Variants in GRIK1 observed in about 807,000 individuals in gnomAD.
GRIK1 encodes the protein glutamate ionotropic receptor kainate type subunit 1.
GRIK1 carries 69 observed loss-of-function variants against 105.7 expected under a neutral mutation model. The observed-to-expected ratio is 0.65, with a 90% CI of 0.54 to 0.80. The LOEUF is 0.80. GRIK1 is among the 30% of genes least tolerant of loss of function. GRIK1 has a pLI of 0.00. For missense variants in GRIK1, 1,109 were observed against 1,167.3 expected (o/e 0.95, Z 0.73); for synonymous variants, 438 against 431.3 (o/e 1.02, Z -0.19).
At chr21:29,572,313 C>T (rs903848193) in intron 14 of GRIK1, among the ~76,000 whole-genome samples, 1 of 152,148 alleles carries the variant, frequency 6.6e-6, no homozygotes, top group African/African-American at 2.4e-5. Context: ...CATTTCTTCT[C>T]GGTAAACTGG....
intron 1 of GRIK1, among the ~76,000 whole-genome samples, chr21:29,877,909 G>C (rs2069249410): frequency 6.6e-6 from 1 of 152,084 alleles, no homozygotes. Flanking sequence ...TGGCAAAATA[G>C]CTTGAATACA....
chr21:29,861,579 T>C (rs368392771), intron 1 of GRIK1: 1 of 186,532 alleles, frequency 5.4e-6, no homozygotes, highest in South Asian at 5.1e-5. Context: ...AAGTGTGGGA[T>C]TATAGGTGTG....
chr21:29,808,425 C>T (rs1454504453), intron 1 of GRIK1, among the ~76,000 whole-genome samples: 1 of 152,200 alleles, frequency 6.6e-6, no homozygotes, highest in Non-Finnish European at 1.5e-5. Flanking sequence ...CAACTGGCAT[C>T]ATCAAGACTG....
At chr21:29,608,405 G>C (rs553573464) in intron 7 of GRIK1, among the ~76,000 whole-genome samples, 1 of 152,088 alleles carries the variant, frequency 6.6e-6, no homozygotes, top group Non-Finnish European at 1.5e-5. Context: ...ATATATGCAC[G>C]TAATGAGTCT....
intron 7 of GRIK1, among the ~76,000 whole-genome samples, chr21:29,637,719 C>G (rs1236176935): frequency 6.6e-6 from 1 of 152,180 alleles, no homozygotes; most frequent in East Asian, 1.9e-4. Context: ...AGAACTATGA[C>G]TAGTAAGTTT....
chr21:29,770,235 A>T (rs993324745), intron 1 of GRIK1, among the ~76,000 whole-genome samples: 1 of 152,190 alleles, frequency 6.6e-6, no homozygotes, highest in Non-Finnish European at 1.5e-5. Context: ...TTGGAAACAG[A>T]TTGTGTCACC....
intron 1 of GRIK1, among the ~76,000 whole-genome samples, chr21:29,788,501 A>G (rs998254356): frequency 6.6e-6 from 1 of 152,156 alleles, no homozygotes; most frequent in African/African-American, 2.4e-5. Context: ...TGTCTTATAG[A>G]CCAATGGTCC....
At chr21:29,863,058 G>A (rs1012687945) in intron 1 of GRIK1, among the ~76,000 whole-genome samples, 2 of 152,134 alleles carry the variant, frequency 1.3e-5, no homozygotes, top group African/African-American at 2.4e-5. Flanking sequence ...ATCTATGTGT[G>A]TATATGTGTC....
intron 1 of GRIK1, among the ~76,000 whole-genome samples, chr21:29,856,139 G>A (rs1442540643): frequency 1.3e-5 from 2 of 152,144 alleles, no homozygotes; most frequent in Non-Finnish European, 2.9e-5. Context: ...CAGCCCAGTG[G>A]TGGGTGTTTA....
At chr21:29,550,649 C>G (rs534798014) in intron 16 of GRIK1, among the ~76,000 whole-genome samples, 27 of 152,252 alleles carry the variant, frequency 1.8e-4, no homozygotes, top group African/African-American at 6.3e-4. Flanking sequence ...ATTTGTAATG[C>G]TTGTACAAGA....
chr21:29,896,593 T>TA (rs2070171452), intron 1 of GRIK1, among the ~76,000 whole-genome samples: 1 of 152,214 alleles, frequency 6.6e-6, no homozygotes, highest in South Asian at 2.1e-4. Flanking sequence ...ATATAACACA[T>TA]ATCTGTCACA....
intron 1 of GRIK1, among the ~76,000 whole-genome samples, chr21:29,864,099 A>ATT (rs896004888): frequency 2.1e-5 from 3 of 144,010 alleles, no homozygotes; most frequent in African/African-American, 5.1e-5. Context: ...TATTTAACAG[A>ATT]TTTTTTTTTT....
At chr21:29,620,428 G>A (rs1568896636) in intron 7 of GRIK1, among the ~76,000 whole-genome samples, 1 of 152,138 alleles carries the variant, frequency 6.6e-6, no homozygotes, top group Non-Finnish European at 1.5e-5. Context: ...AGCCAATCAA[G>A]CAATTTGTTG....
chr21:29,935,311 C>T (rs1165323641), intron 1 of GRIK1, among the ~76,000 whole-genome samples: 2 of 152,120 alleles, frequency 1.3e-5, no homozygotes, highest in African/African-American at 4.8e-5. Context: ...TTGCAATTGC[C>T]AGAATGCAAA....
chr21:29,845,747 C>T (rs112323274), intron 1 of GRIK1, among the ~76,000 whole-genome samples: 2,215 of 152,190 alleles, frequency 0.015, 59 homozygotes, highest in African/African-American at 0.05. Flanking sequence ...TATCTACACC[C>T]ATGTTCCATA....
chr21:29,541,245 C>G (rs1201075729), intron 16 of GRIK1, among the ~76,000 whole-genome samples: 4 of 152,168 alleles, frequency 2.6e-5, no homozygotes, highest in African/African-American at 9.7e-5. Context: ...GGATTACAGG[C>G]GTAAGCCACC....
chr21:29,554,113 C>T (rs2090189184), intron 16 of GRIK1, among the ~76,000 whole-genome samples: 1 of 152,076 alleles, frequency 6.6e-6, no homozygotes. Flanking sequence ...TTAATCAGAA[C>T]CAGCCACATA....
chr21:29,600,203 T>C (rs1183412469), intron 7 of GRIK1, among the ~76,000 whole-genome samples: 1 of 152,206 alleles, frequency 6.6e-6, no homozygotes, highest in Non-Finnish European at 1.5e-5. Context: ...AAATCCTTAA[T>C]CACCTATGCA....
intron 1 of GRIK1, among the ~76,000 whole-genome samples, chr21:29,933,777 T>G (rs1297661072): frequency 6.6e-6 from 1 of 152,136 alleles, no homozygotes; most frequent in African/African-American, 2.4e-5. Flanking sequence ...TAAATAATCT[T>G]CTCAGTTTCA....
Sources: allele counts gnomAD v4.1 joint callset (sites outside exome capture counted in the v4.1 genomes callset), GRCh38; gene constraint gnomAD v4.1.1; transcripts MANE v1.5; gene names NCBI Gene and HGNC (gene_info 2026-07-23, HGNC 2026-07-21).